ZBTB20: variants seen among roughly 807,000 people sequenced by gnomAD.
The protein encoded by ZBTB20 is zinc finger and BTB domain containing 20, also known as zinc finger and BTB domain-containing protein 20.
In ZBTB20, 9 loss-of-function variants were observed where a neutral mutation model predicts 56.9. The ratio of observed to expected loss-of-function variants is 0.16; its 90% CI spans 0.10 to 0.28. The LOEUF is 0.28. Ranked by LOEUF, ZBTB20 falls within the 10% of genes least tolerant of loss-of-function variation. The pLI, the probability that ZBTB20 is intolerant of heterozygous loss-of-function variation, is 1.00. For missense variants in ZBTB20, 655 were observed against 1,003.0 expected, an observed-to-expected ratio of 0.65 and a Z score of 4.69; for synonymous variants, 417 against 420.7, an observed-to-expected ratio of 0.99 and a Z score of 0.11.
chr3:114,494,885 G>T (rs2043113145), intron 7 of ZBTB20, among the ~76,000 whole-genome samples: 2 of 152,214 alleles, frequency 1.3e-5, no homozygotes, highest in African/African-American at 4.8e-5. Context: ...GTGGGGAAAA[G>T]TGATGCTATT....
At chr3:115,110,619 T>A (rs977496634) in intron 1 of ZBTB20, among the ~76,000 whole-genome samples, 14 of 152,218 alleles carry the variant, frequency 9.2e-5, no homozygotes, top group African/African-American at 3.4e-4. Context: ...TACACTTATA[T>A]TGGGTATTTC....
chr3:115,000,347 T>C lies in ZBTB20; in HGVS notation c.-506-25931A>G, dbSNP rs1449978456. Among the ~76,000 whole-genome samples, 11 of 151,860 alleles carry C rather than the reference T, an allele frequency of 7.2e-5. No homozygotes were observed. In the South Asian group the frequency reaches 2.3e-3, roughly 31 times the overall value. On this transcript the variant is annotated intron_variant, in intron 2 of 11. Transcript: ENST00000675478. The stretch of plus-strand genomic sequence containing the variant: ...TTGTAAATTAGCAGACTATTTCTTT[T>C]ATAAAATTAAATATTTTGTATTCTC...
At chr3:115,134,573 G>A (rs1368829733) in intron 1 of ZBTB20, among the ~76,000 whole-genome samples, 2 of 151,046 alleles carry the variant, frequency 1.3e-5, no homozygotes, top group South Asian at 4.2e-4. Context: ...TTCATATTTC[G>A]ACAGTGACTA....
At chr3:114,724,119 C>T (rs1325391239) in intron 5 of ZBTB20, among the ~76,000 whole-genome samples, 1 of 152,022 alleles carries the variant, frequency 6.6e-6, no homozygotes, top group Non-Finnish European at 1.5e-5. Flanking sequence ...ATGATCCGCC[C>T]ACCTCGGCCT....
chr3:114,737,251 A>T (rs904867905), intron 5 of ZBTB20, among the ~76,000 whole-genome samples: 8 of 152,114 alleles, frequency 5.3e-5, no homozygotes, highest in African/African-American at 1.7e-4. Context: ...GTAGAGAAAC[A>T]TTTTTTTGAA....
intron 4 of ZBTB20, among the ~76,000 whole-genome samples, chr3:114,882,431 A>G (rs2076432435): frequency 1.3e-5 from 2 of 152,022 alleles, no homozygotes; most frequent in African/African-American, 4.8e-5. Context: ...ATATCTAAGA[A>G]AGTATGCTAT....
chr3:114,349,352 C>A (rs1202602666), intron 11 of ZBTB20, among the ~76,000 whole-genome samples: 1 of 152,092 alleles, frequency 6.6e-6, no homozygotes, highest in Non-Finnish European at 1.5e-5. Flanking sequence ...ATGGGAATTC[C>A]ATATCTCTGT....
chr3:114,812,154 G>C (rs2072574474), intron 4 of ZBTB20, among the ~76,000 whole-genome samples: 1 of 152,172 alleles, frequency 6.6e-6, no homozygotes, highest in Admixed American at 6.5e-5. Context: ...GTGTGGAAGT[G>C]GACCCCAGCC....
intron 7 of ZBTB20, among the ~76,000 whole-genome samples, chr3:114,466,745 C>A (rs572801023): frequency 1.8e-4 from 28 of 152,330 alleles, no homozygotes; most frequent in African/African-American, 6.5e-4. Context: ...TTAATAAGCA[C>A]CTGCTGTGAG....
chr3:114,563,321 C>A (rs905860756), intron 6 of ZBTB20, among the ~76,000 whole-genome samples: 2 of 152,130 alleles, frequency 1.3e-5, no homozygotes, highest in Non-Finnish European at 1.5e-5. Flanking sequence ...TGAACCGAAT[C>A]CCATTTTTAA....
At chr3:114,461,917 CAG>C (rs1180088493) in intron 7 of ZBTB20, among the ~76,000 whole-genome samples, 1 of 152,168 alleles carries the variant, frequency 6.6e-6, no homozygotes, top group East Asian at 1.9e-4. Flanking sequence ...ACGTTGGACT[CAG>C]AGTGAGATCA....
chr3:114,709,440 G>A (rs1391437153), intron 5 of ZBTB20, among the ~76,000 whole-genome samples: 2 of 152,168 alleles, frequency 1.3e-5, no homozygotes, highest in African/African-American at 4.8e-5. Flanking sequence ...TTTAGGCAGA[G>A]ATGTGGAGAA....
At chr3:114,354,294 T>TCC (rs1297673205) in intron 10 of ZBTB20, among the ~76,000 whole-genome samples, 1 of 152,272 alleles carries the variant, frequency 6.6e-6, no homozygotes. Flanking sequence ...GTGTCTGTGA[T>TCC]CATCTCTGTG....
chr3:114,505,559 T>C (rs1577153540), intron 6 of ZBTB20, among the ~76,000 whole-genome samples: 1 of 152,254 alleles, frequency 6.6e-6, no homozygotes, highest in African/African-American at 2.4e-5. Flanking sequence ...TTAATTAATA[T>C]TTCCAATCTT....
chr3:114,630,275 T>A (rs1249307635), intron 6 of ZBTB20, among the ~76,000 whole-genome samples: 7 of 152,034 alleles, frequency 4.6e-5, no homozygotes, highest in Non-Finnish European at 1.0e-4. Flanking sequence ...AAGACAAAAA[T>A]CTCCTGGACC....
chr3:115,066,728 T>C (rs2082220858), intron 2 of ZBTB20, among the ~76,000 whole-genome samples: 1 of 152,098 alleles, frequency 6.6e-6, no homozygotes, highest in Non-Finnish European at 1.5e-5. Context: ...CCTGTGGCTC[T>C]TCACCTTGCA....
chr3:114,678,611 T>C (rs935342665), intron 6 of ZBTB20, among the ~76,000 whole-genome samples: 11 of 152,182 alleles, frequency 7.2e-5, no homozygotes, highest in Non-Finnish European at 2.9e-5. Context: ...TTAAGTTGTA[T>C]TAAGCTGATA....
Position 114,943,472 on chromosome 3 carries a change from C to T in ZBTB20, c.-456+30894G>A, listed in dbSNP as rs2076787185. ...ATTATCAGATATAGTCTTTTAAAAA[C>T]AGTGATAAATATGGTTTCAGAGGTA... On this transcript the variant is annotated intron_variant, in intron 3 of 11. Coordinates refer to ENST00000675478, the MANE Select transcript of ZBTB20 (RefSeq NM_001348800.3). Among the ~76,000 whole-genome samples, 3 of 145,148 alleles carry T rather than the reference C, an allele frequency of 2.1e-5. 1 individual carries two copies. In the South Asian group the frequency reaches 6.4e-4, roughly 31 times the overall value.
intron 6 of ZBTB20, among the ~76,000 whole-genome samples, chr3:114,530,507 G>A (rs2047723463): frequency 6.6e-6 from 1 of 152,154 alleles, no homozygotes; most frequent in Non-Finnish European, 1.5e-5. Context: ...GCCTAATGAT[G>A]CATTTCTCAG....
Sources: gnomAD v4.1 joint callset for allele counts (sites outside exome capture counted in the v4.1 genomes callset) on GRCh38, gnomAD v4.1.1 for gene constraint, MANE v1.5 for transcripts, NCBI Gene and HGNC (gene_info 2026-07-23, HGNC 2026-07-21) for gene names.